The following CNNM4 variants were observed in gnomAD, a reference collection of about 807,000 sequenced individuals.
CNNM4 encodes cyclin and CBS domain divalent metal cation transport mediator 4.
Under a neutral mutation model 53.7 loss-of-function variants are expected in CNNM4, and 32 were observed. That is an observed-to-expected ratio of 0.60 (90% CI 0.45 to 0.80). The LOEUF is 0.80. CNNM4 is among the 30% of genes least tolerant of loss of function. The pLI is 0.00. For synonymous variants in CNNM4, 410 were observed against 440.0 expected, an observed-to-expected ratio of 0.93 and a Z score of 0.85; for missense variants, 784 against 1,022.0, an observed-to-expected ratio of 0.77 and a Z score of 3.17.
intron 1 of CNNM4, among the ~76,000 whole-genome samples, chr2:96,765,776 T>G (rs1045335497): frequency 3.4e-5 from 5 of 148,942 alleles, no homozygotes; most frequent in African/African-American, 1.3e-4. Context: ...TGCTGTTCTT[T>G]TTTTCTTTCT....
intron 1 of CNNM4, among the ~76,000 whole-genome samples, chr2:96,763,743 T>A (rs1408397555): frequency 6.6e-6 from 1 of 152,150 alleles, no homozygotes; most frequent in Non-Finnish European, 1.5e-5. Context: ...CCTCCTAAGT[T>A]CAACAGACTG....
chr2:96,809,725 G>T lies in CNNM4; in HGVS notation c.*208G>T. ...GGCACTGTCCAGCCCTGGATAGGGG[G>T]GGCAGTGGGCCAGCTACCGTAAGCA... On this transcript the variant is annotated 3_prime_UTR_variant, in exon 7 of 7. Coordinates refer to ENST00000377075, the MANE Select transcript of CNNM4 (RefSeq NM_020184.4). The T allele has an allele frequency of 2.0e-6, 1 of 507,768 alleles. No homozygotes were observed. Among genetic ancestry groups the T allele is most frequent in the Non-Finnish European group, 3.5e-6 (1 of 286,316 alleles). 31.5% of individuals were successfully genotyped at this position (507,768 alleles called of 1,614,324 possible).
chr2:96,765,600 G>T (rs991020706), intron 1 of CNNM4, among the ~76,000 whole-genome samples: 4 of 152,096 alleles, frequency 2.6e-5, no homozygotes, highest in Admixed American at 1.3e-4. Flanking sequence ...TAGGGCCTTT[G>T]TATTCTTTCT....
Position 96,800,353 on chromosome 2 carries a change from C to T in CNNM4, c.1948+705C>T, listed in dbSNP as rs1226203145. On this transcript the variant is annotated intron_variant, in intron 5 of 6. Transcript: ENST00000377075. The surrounding 1 kb of genome is among the most constrained non-coding windows in gnomAD (Gnocchi z 4.6). ...AGGCTTCGGTCCTGGGGCGAGGTTGCTGCAGGGTAGAGAGAGAAAGTCCAC... is the reference window on the plus strand; with the variant it reads ...AGGCTTCGGTCCTGGGGCGAGGTTGTTGCAGGGTAGAGAGAGAAAGTCCAC... Among the ~76,000 whole-genome samples, 1 of 152,218 alleles carries T rather than the reference C, an allele frequency of 6.6e-6. No individual in the cohort carries two copies. Among genetic ancestry groups the T allele is most frequent in the Admixed American group, 6.5e-5 (1 of 15,290 alleles).
At chr2:96,776,491 C>T (rs2078925615) in intron 1 of CNNM4, among the ~76,000 whole-genome samples, 2 of 152,158 alleles carry the variant, frequency 1.3e-5, no homozygotes, top group Admixed American at 1.3e-4. Flanking sequence ...GAATTATTCT[C>T]TCCTAGTTAT....
chr2:96,777,807 T>C lies in CNNM4; in HGVS notation c.1402+15406T>C, dbSNP rs183856132. On this transcript the variant is annotated intron_variant, in intron 1 of 6. Coordinates refer to ENST00000377075, the MANE Select transcript of CNNM4 (RefSeq NM_020184.4). ...GTGAGCCACCACGCCTGGCCAACTT[T>C]GTGTATTTTTTGTAGAGAGAGGGTT... is the stretch of plus-strand genomic sequence containing the variant. Among the ~76,000 whole-genome samples the C allele has an allele frequency of 1.4e-3, 215 of 151,782 alleles. 1 individual carries two copies. Among genetic ancestry groups the C allele is most frequent in the African/African-American group, 5.1e-3 (209 of 41,376 alleles).
chr2:96,799,304 C>T (rs1186572764), intron 4 of CNNM4, 78 bp downstream of exon 4: 2 of 1,566,218 alleles, frequency 1.3e-6, no homozygotes, highest in Non-Finnish European at 1.8e-6. Flanking sequence ...CTCCCACCTG[C>T]TGCGGAGGTG....
chr2:96,803,263 G>A (rs2079174253), intron 5 of CNNM4, among the ~76,000 whole-genome samples: 1 of 152,120 alleles, frequency 6.6e-6, no homozygotes, highest in Non-Finnish European at 1.5e-5. Context: ...GAGCAGGTGT[G>A]CCCTCATTGA....
At chr2:96,762,519 A>G (rs551791081) in intron 1 of CNNM4, 118 bp downstream of exon 1, 63 of 969,564 alleles carry the variant, frequency 6.5e-5, no homozygotes, top group Middle Eastern at 2.4e-4. Flanking sequence ...CCCTTTGCCT[A>G]TCGCTTCCTA....
At chr2:96,768,528 G>C (rs1487010601) in intron 1 of CNNM4, among the ~76,000 whole-genome samples, 1 of 151,014 alleles carries the variant, frequency 6.6e-6, no homozygotes, top group East Asian at 2.0e-4. Context: ...GATCCTTGTG[G>C]AGATCTGGGA....
intron 1 of CNNM4, among the ~76,000 whole-genome samples, chr2:96,795,837 C>A (rs548916948): frequency 6.6e-6 from 1 of 152,322 alleles, no homozygotes; most frequent in South Asian, 2.1e-4. Flanking sequence ...AGACTGTGGA[C>A]CTAGCCCTTC....
intron 5 of CNNM4, among the ~76,000 whole-genome samples, chr2:96,799,907 G>A (rs915038267): frequency 3.3e-5 from 5 of 152,214 alleles, no homozygotes; most frequent in Non-Finnish European, 5.9e-5. Flanking sequence ...TGGAGGCAGC[G>A]GAGGGCATGT....
At position 96,809,989 on chromosome 2, in the gene CNNM4, C is replaced by A. The variant is rs2079243684; in HGVS notation, c.*472C>A. On this transcript the variant is annotated 3_prime_UTR_variant, in exon 7 of 7. Coordinates refer to ENST00000377075, the MANE Select transcript of CNNM4 (RefSeq NM_020184.4). The stretch of plus-strand genomic sequence containing the variant: ...GGAGCTCTCCCTTCCTCCTCCTCCT[C>A]CTCCTCCGGAGGTGGGATCCCAGAG... 1.3e-5 allele frequency: 2 copies of A among 154,546 alleles called. No individual in the cohort carries two copies. Among genetic ancestry groups the A allele is most frequent in the Admixed American group, 1.3e-4 (2 of 15,620 alleles). 9.6% of individuals were successfully genotyped at this position (154,546 alleles called of 1,614,324 possible). A position where few individuals can be genotyped will look rare whatever the true frequency, so the allele number is the denominator to read the frequency against.
chr2:96,808,518 A>T lies in CNNM4; in HGVS notation c.1949-43A>T, dbSNP rs2079228110. 3 of 1,608,020 alleles carry T rather than the reference A, an allele frequency of 1.9e-6. No homozygotes were observed. In the Admixed American group the frequency reaches 5.0e-5, roughly 27 times the overall value. On this transcript the variant is annotated intron_variant, in intron 5 of 6. Coordinates refer to ENST00000377075, the MANE Select transcript of CNNM4 (RefSeq NM_020184.4). This position sits in a 1 kb window ranked among gnomAD's most constrained non-coding sequence, Gnocchi z 4.9. ...GTGAGACATGAGGGTGAGAGTGGGC[A>T]TCGGAGTGGCCTTTGGCATGACAAC...
chr2:96,802,015 A>G (rs956854133), intron 5 of CNNM4, among the ~76,000 whole-genome samples: 25 of 151,478 alleles, frequency 1.7e-4, no homozygotes. Flanking sequence ...ACACACACAC[A>G]CAGAAGCACC....
rs2079246587 is a variant in CNNM4 at position 96,810,353 on chromosome 2, G to C, written c.*836G>C. Reference sequence around the variant, plus strand: ...CAGGGCTGACTCAAGTGTTAGGCAGGGTCTCAGGCCTTTGATTGCTCACCC... The same window carrying C: ...CAGGGCTGACTCAAGTGTTAGGCAGCGTCTCAGGCCTTTGATTGCTCACCC... On this transcript the variant is annotated 3_prime_UTR_variant, in exon 7 of 7. Transcript: ENST00000377075. The surrounding 1 kb of genome is among the most constrained non-coding windows in gnomAD (Gnocchi z 4.1). The C allele has an allele frequency of 6.6e-6, 1 of 152,604 alleles. No homozygotes were observed. Among genetic ancestry groups the C allele is most frequent in the South Asian group, 2.1e-4 (1 of 4,822 alleles). The allele number at this position is 152,604 out of a possible 1,614,324, so 9.5% of individuals were successfully genotyped here.
At position 96,800,892 on chromosome 2, in the gene CNNM4, C is replaced by T. The variant is rs538028190; in HGVS notation, c.1948+1244C>T. ...CACTCAGCCAGCTTCTGCCTGTCTC[C>T]GCACAGGGCTCACCGCTGTGCCCTG... is the stretch of plus-strand genomic sequence containing the variant. On this transcript the variant is annotated intron_variant, in intron 5 of 6. Transcript: ENST00000377075. The surrounding 1 kb of genome is among the most constrained non-coding windows in gnomAD (Gnocchi z 4.6). Among the ~76,000 whole-genome samples, 3 of 152,324 alleles carry T rather than the reference C, an allele frequency of 2.0e-5. No individual in the cohort carries two copies. The highest frequency in any genetic ancestry group is 2.1e-4 in the South Asian group (1 of 4,828).
In CNNM4 at chr2:96,794,924, A is replaced by C. The variant is rs540439253; in HGVS notation, c.1403-2088A>C. Among the ~76,000 whole-genome samples the C allele has an allele frequency of 4.6e-5, 7 of 152,372 alleles. No homozygotes were observed. In the East Asian group the frequency reaches 1.3e-3, roughly 29 times the overall value. On this transcript the variant is annotated intron_variant, in intron 1 of 6. Transcript: ENST00000377075. ...TTGGGCATCCCGAATCCAAAAATCC[A>C]AAATCCCAAATGCTCCAAAATCCAA...
chr2:96,809,352 G>A lies in CNNM4; in HGVS notation c.2163G>A (p.Leu721=), dbSNP rs1236027649. The part of the protein sequence containing the change: ...ITRQQYQNGL[L]ASRMENSPQF... Reference sequence around the variant, plus strand: ...GGCAGCAGTACCAGAACGGGCTGCTGGCTTCTCGCATGGAGAACAGCCCTC... The same window carrying A: ...GGCAGCAGTACCAGAACGGGCTGCTAGCTTCTCGCATGGAGAACAGCCCTC... Residue 721 remains leucine, a synonymous_variant, in exon 7 of 7, where the codon CTG becomes CTA. Coordinates refer to ENST00000377075, the MANE Select transcript of CNNM4 (RefSeq NM_020184.4). The A allele has an allele frequency of 1.2e-6, 2 of 1,614,012 alleles. No homozygotes were observed. Among genetic ancestry groups the A allele is most frequent in the Non-Finnish European group, 1.7e-6 (2 of 1,180,030 alleles).
Sources: allele counts gnomAD v4.1 joint callset (sites outside exome capture counted in the v4.1 genomes callset), GRCh38; gene constraint gnomAD v4.1.1; non-coding constraint Gnocchi (gnomAD v3.1); transcripts MANE v1.5; gene names NCBI Gene and HGNC (gene_info 2026-07-23, HGNC 2026-07-21).